Variants in IFT88 observed in about 807,000 individuals in gnomAD.
The protein encoded by IFT88 is intraflagellar transport 88.
A neutral mutation model predicts 119.5 loss-of-function variants in IFT88; 74 were observed. The ratio of observed to expected loss-of-function variants is 0.62; its 90% CI spans 0.51 to 0.75. The LOEUF (loss-of-function observed/expected upper bound fraction) is 0.75. IFT88 is among the 30% of genes least tolerant of loss of function. The probability of loss-of-function intolerance (pLI) is 0.00; values close to 1 mark genes in which losing one functional copy is unlikely to be tolerated. For missense variants in IFT88, 961 were observed against 977.7 expected (o/e 0.98, Z 0.23); for synonymous variants, 279 against 316.7 (o/e 0.88, Z 1.26).
Position 20,625,792 on chromosome 13 carries a change from C to T in IFT88, c.1242C>T (p.Ala414=), listed in dbSNP as rs779051028. ...AAGCTTCTCAATATGTAGAGCTAGC[C>T]AATGATCTGGAAATAAACAAAGCAG... ...VVKASQYVEL[A]NDLEINKAVT... Residue 414 remains alanine, a synonymous_variant, in exon 15 of 26, where the codon GCC becomes GCT. Coordinates refer to ENST00000351808, the MANE Select transcript of IFT88 (RefSeq NM_006531.5). The T allele has an allele frequency of 6.2e-7, 1 of 1,603,960 alleles. No individual in the cohort carries two copies. The highest frequency in any genetic ancestry group is 1.1e-5 in the South Asian group (1 of 88,996).
At chr13:20,614,613 A>G (rs975799406) in intron 13 of IFT88, among the ~76,000 whole-genome samples, 3 of 152,122 alleles carry the variant, frequency 2.0e-5, no homozygotes, top group African/African-American at 7.2e-5. Flanking sequence ...TATAGTGGGA[A>G]TATTCTGTTT....
intron 20 of IFT88, among the ~76,000 whole-genome samples, chr13:20,650,760 A>G (rs1328109434): frequency 1.3e-5 from 2 of 152,208 alleles, no homozygotes; most frequent in Admixed American, 6.5e-5. Context: ...TGAATTCAGC[A>G]AAGTTGCAGG....
intron 12 of IFT88, among the ~76,000 whole-genome samples, chr13:20,604,110 C>CACA (rs2043034112): frequency 6.6e-6 from 1 of 152,020 alleles, no homozygotes; most frequent in Admixed American, 6.6e-5. Context: ...GGCATGGTGG[C>CACA]ACATGTCTGT....
Position 20,577,150 on chromosome 13 carries a change from T to G in IFT88, c.90+2675T>G, listed in dbSNP as rs192861028. Among the ~76,000 whole-genome samples, 50 of 152,340 alleles carry G rather than the reference T, an allele frequency of 3.3e-4. 1 individual carries two copies. The East Asian group carries it at 6.0e-3, about 18-fold the overall frequency. On this transcript the variant is annotated intron_variant, in intron 2 of 25. Coordinates refer to ENST00000351808, the MANE Select transcript of IFT88 (RefSeq NM_006531.5). Reference sequence around the variant, plus strand: ...ATTCTAAATGGGATTACTTTCGTGATTTATTTTCCAGATTGTTCACTTTTG... The same window carrying G: ...ATTCTAAATGGGATTACTTTCGTGAGTTATTTTCCAGATTGTTCACTTTTG...
chr13:20,636,646 A>T (rs1276514538), intron 16 of IFT88, among the ~76,000 whole-genome samples: 1 of 152,202 alleles, frequency 6.6e-6, no homozygotes, highest in Admixed American at 6.5e-5. Flanking sequence ...GCCTCTGATG[A>T]TTCCTTCTGC....
At chr13:20,676,806 G>T (rs9552256) in intron 24 of IFT88, among the ~76,000 whole-genome samples, 140,045 of 152,312 alleles carry the variant, frequency 0.92, 64,477 homozygotes, top group East Asian at 1. Flanking sequence ...ACAGGAAATT[G>T]AATCCAAAAC....
intron 16 of IFT88, among the ~76,000 whole-genome samples, chr13:20,632,430 A>G (rs776543596): frequency 6.6e-6 from 1 of 152,188 alleles, no homozygotes; most frequent in African/African-American, 2.4e-5. Flanking sequence ...CCAGGGTGGT[A>G]AACTATTATA....
chr13:20,612,031 T>C (rs185844261), intron 13 of IFT88: 86 of 152,332 alleles, frequency 5.6e-4, no homozygotes, highest in Middle Eastern at 3.4e-3. Flanking sequence ...AACCATCTTT[T>C]TTCAGATGAC....
At chr13:20,572,622 T>G (rs1161812906) in intron 1 of IFT88, among the ~76,000 whole-genome samples, 1 of 152,238 alleles carries the variant, frequency 6.6e-6, no homozygotes, top group Non-Finnish European at 1.5e-5. Context: ...TTGTTTATAG[T>G]TCTTACTTTT....
intron 24 of IFT88, among the ~76,000 whole-genome samples, chr13:20,690,316 G>C (rs1205462633): frequency 2.0e-5 from 3 of 152,098 alleles, no homozygotes; most frequent in African/African-American, 7.2e-5. Flanking sequence ...TCCTACTAAT[G>C]TTAGTGTTCA....
chr13:20,658,147 A>G (rs1298328714), intron 22 of IFT88, among the ~76,000 whole-genome samples: 1 of 150,454 alleles, frequency 6.6e-6, no homozygotes, highest in African/African-American at 2.5e-5. Context: ...CCTAGGCTGG[A>G]GTGCGGTGGC....
At chr13:20,663,858 A>T (rs1161099687) in intron 23 of IFT88, among the ~76,000 whole-genome samples, 6 of 152,220 alleles carry the variant, frequency 3.9e-5, no homozygotes, top group African/African-American at 1.2e-4. Context: ...AATAATTATA[A>T]TTTTCCACAA....
chr13:20,603,559 A>G (rs2042955623), intron 12 of IFT88, among the ~76,000 whole-genome samples: 1 of 152,130 alleles, frequency 6.6e-6, no homozygotes, highest in South Asian at 2.1e-4. Context: ...GGTGAGGATT[A>G]TAGGTGAGGA....
At chr13:20,632,157 A>T (rs1461238722) in intron 16 of IFT88, 1 of 151,624 alleles carries the variant, frequency 6.6e-6, no homozygotes, top group Non-Finnish European at 1.5e-5. Flanking sequence ...AAAAAAAAAA[A>T]ATTGTAGATT....
chr13:20,615,195 A>T (rs1436016779), intron 13 of IFT88, among the ~76,000 whole-genome samples: 1 of 152,198 alleles, frequency 6.6e-6, no homozygotes, highest in African/African-American at 2.4e-5. Flanking sequence ...AGTCCATTTT[A>T]AAAACCACTA....
chr13:20,660,607 T>G (rs868445274), intron 22 of IFT88, among the ~76,000 whole-genome samples: 1 of 151,950 alleles, frequency 6.6e-6, no homozygotes, highest in African/African-American at 2.4e-5. Flanking sequence ...GCAGTGGAGG[T>G]GGGCAGGATG....
intron 15 of IFT88, among the ~76,000 whole-genome samples, chr13:20,629,283 A>G (rs917670494): frequency 2.6e-5 from 4 of 152,204 alleles, no homozygotes; most frequent in African/African-American, 4.8e-5. Context: ...ATTAATAGCT[A>G]TGGAGGTTGT....
intron 24 of IFT88, among the ~76,000 whole-genome samples, chr13:20,688,913 C>T (rs1379405688): frequency 6.6e-6 from 1 of 151,872 alleles, no homozygotes; most frequent in Non-Finnish European, 1.5e-5. Context: ...TTTATATAAG[C>T]ACTTTATTTT....
intron 13 of IFT88, chr13:20,614,335 TCA>T (rs1352928559): frequency 6.6e-6 from 1 of 152,206 alleles, no homozygotes; most frequent in Non-Finnish European, 1.5e-5. Flanking sequence ...TTGAATTTTG[TCA>T]CATGCTTTTT....
Sources: gnomAD v4.1 joint callset for allele counts (sites outside exome capture counted in the v4.1 genomes callset) on GRCh38, gnomAD v4.1.1 for gene constraint, MANE v1.5 for transcripts, NCBI Gene and HGNC (gene_info 2026-07-23, HGNC 2026-07-21) for gene names.